DOCK2: variants seen among roughly 807,000 people sequenced by gnomAD.
DOCK2 encodes the protein dedicator of cytokinesis 2.
A neutral mutation model predicts 248.9 loss-of-function variants in DOCK2; 87 were observed. The observed-to-expected ratio is 0.35, with a 90% CI of 0.29 to 0.42. DOCK2 has a LOEUF of 0.42. Ranked by LOEUF, DOCK2 falls within the 10% of genes least tolerant of loss-of-function variation. DOCK2 has a pLI of 1.00. For synonymous variants in DOCK2, 805 were observed against 821.6 expected (o/e 0.98, Z 0.35); for missense variants, 1,747 against 2,300.2 (o/e 0.76, Z 4.92).
At chr5:169,677,654 CAG>C (rs1446779501) in intron 6 of DOCK2, among the ~76,000 whole-genome samples, 5 of 152,238 alleles carry the variant, frequency 3.3e-5, no homozygotes, top group African/African-American at 1.2e-4. Flanking sequence ...CCAGACATGA[CAG>C]AGACTGTCTC....
In DOCK2 at chr5:169,881,920, G is replaced by A. The variant is rs182746611; in HGVS notation, c.2799+41068G>A. On this transcript the variant is annotated intron_variant, in intron 27 of 51. Coordinates refer to ENST00000520908, the MANE Select transcript of DOCK2 (RefSeq NM_004946.3). Reference sequence around the variant, plus strand: ...CACTTTCTGCAGGGACGAGCATTTCGCATCTAAACAAATAACTGCCTTTTC... The same window carrying A: ...CACTTTCTGCAGGGACGAGCATTTCACATCTAAACAAATAACTGCCTTTTC... Among the ~76,000 whole-genome samples the A allele has an allele frequency of 4.3e-3, 653 of 152,260 alleles. 7 individuals carry two copies. The highest frequency in any genetic ancestry group is 0.015 in the African/African-American group (605 of 41,538).
chr5:170,066,820 C>T (rs1757508178), intron 44 of DOCK2, among the ~76,000 whole-genome samples: 1 of 152,172 alleles, frequency 6.6e-6, no homozygotes, highest in South Asian at 2.1e-4. Flanking sequence ...TTTTGCCCTA[C>T]AATAACAGAG....
rs372818120 is a variant in DOCK2, at chr5:169,868,121, A to G, written c.2799+27269A>G. 8.8e-4 allele frequency among the ~76,000 whole-genome samples: 134 copies of G among 152,324 alleles called. 1 individual carries two copies. Among genetic ancestry groups the G allele is most frequent in the African/African-American group, 3.0e-3 (124 of 41,570 alleles). ...TAGGAGTCTAAGATTTTCTTGTACA[A>G]AACATTCCATCCATCATCAGTCCAT... is the stretch of plus-strand genomic sequence containing the variant. On this transcript the variant is annotated intron_variant, in intron 27 of 51. Coordinates refer to ENST00000520908, the MANE Select transcript of DOCK2 (RefSeq NM_004946.3).
intron 33 of DOCK2, among the ~76,000 whole-genome samples, chr5:170,024,576 C>A (rs1755841446): frequency 6.6e-6 from 1 of 152,038 alleles, no homozygotes; most frequent in Admixed American, 6.5e-5. Context: ...TGCCAAGTGC[C>A]TTATACGTGT....
chr5:170,009,047 C>G (rs555098560), intron 32 of DOCK2, among the ~76,000 whole-genome samples: 1 of 152,096 alleles, frequency 6.6e-6, no homozygotes, highest in Admixed American at 6.6e-5. Context: ...TGGGAACTCA[C>G]GTGCTCACAC....
At chr5:169,862,573 GA>G (rs1771273115) in intron 27 of DOCK2, among the ~76,000 whole-genome samples, 1 of 152,154 alleles carries the variant, frequency 6.6e-6, no homozygotes, top group Non-Finnish European at 1.5e-5. Context: ...TCTTAAGTAT[GA>G]CAAGTGTATT....
At chr5:169,952,782 G>A (rs902168196) in intron 27 of DOCK2, among the ~76,000 whole-genome samples, 2 of 152,068 alleles carry the variant, frequency 1.3e-5, no homozygotes, top group Non-Finnish European at 2.9e-5. Context: ...TTCAATCCAG[G>A]GTACAGAGTT....
chr5:169,747,304 T>C, intron 22 of DOCK2, 92 bp from the exon 23 acceptor site: 1 of 1,193,972 alleles, frequency 8.4e-7, no homozygotes, highest in Non-Finnish European at 1.2e-6. Flanking sequence ...CTCCTTTTTG[T>C]TTTAAATTTT....
chr5:169,769,754 C>G (rs939177137), intron 25 of DOCK2, among the ~76,000 whole-genome samples: 16 of 152,168 alleles, frequency 1.1e-4, no homozygotes, highest in Admixed American at 9.2e-4. Flanking sequence ...GCTCCAGGAG[C>G]CTGAGGAGGG....
rs901447679 is a variant in DOCK2, at chr5:169,799,452, TACA to T, written c.2555-3601_2555-3599del. On this transcript the variant is annotated intron_variant, in intron 25 of 51. Transcript: ENST00000520908. The stretch of plus-strand genomic sequence containing the variant: ...TTCAGATGAACTCACCTGGTTTTTC[TACA>T]ACAAGAATTTCAACACCTAATTTCC... Among the ~76,000 whole-genome samples the T allele has an allele frequency of 3.3e-5, 5 of 152,304 alleles. No homozygotes were observed. The East Asian group carries it at 5.8e-4, about 18-fold the overall frequency.
intron 27 of DOCK2, among the ~76,000 whole-genome samples, chr5:169,847,161 T>G (rs947040647): frequency 6.6e-6 from 1 of 152,230 alleles, no homozygotes; most frequent in Non-Finnish European, 1.5e-5. Context: ...AACATACATG[T>G]GCGAGTGTCT....
At chr5:169,909,622 T>A (rs542873519) in intron 27 of DOCK2, among the ~76,000 whole-genome samples, 3 of 152,332 alleles carry the variant, frequency 2.0e-5, no homozygotes, top group Admixed American at 1.3e-4. Context: ...AACATACATA[T>A]CTTCTAAGTT....
At chr5:169,755,209 G>A (rs1483433420) in intron 23 of DOCK2, among the ~76,000 whole-genome samples, 1 of 151,882 alleles carries the variant, frequency 6.6e-6, no homozygotes, top group Non-Finnish European at 1.5e-5. Flanking sequence ...CTCCTGAAGT[G>A]CTGGGATTAT....
rs1359881704 is a variant in DOCK2, at chr5:169,759,700, C to T, written c.2377-5C>T. The T allele has an allele frequency of 1.9e-6, 3 of 1,614,000 alleles. No individual in the cohort carries two copies. Among genetic ancestry groups the T allele is most frequent in the South Asian group, 2.2e-5 (2 of 91,088 alleles). On this transcript the variant is annotated splice_polypyrimidine_tract_variant and splice_region_variant and intron_variant, in intron 23 of 51. Transcript: ENST00000520908. ...TCACTTATATGTATTTTACATTCCA[C>T]CTAGGTGGCGGCTTTGAAATACATC... is the stretch of plus-strand genomic sequence containing the variant.
chr5:169,883,649 G>C (rs1475310156), intron 27 of DOCK2: 1 of 1,551,268 alleles, frequency 6.4e-7, no homozygotes, highest in South Asian at 1.2e-5. Context: ...TGGGACCTGG[G>C]GAAGGAGAGC....
intron 27 of DOCK2, among the ~76,000 whole-genome samples, chr5:169,891,276 CA>C (rs1219145346): frequency 6.6e-6 from 1 of 152,198 alleles, no homozygotes; most frequent in Non-Finnish European, 1.5e-5. Context: ...TCCCTCTGTG[CA>C]GCAAAACCCT....
Position 169,798,382 on chromosome 5 carries a change from G to A in DOCK2, c.2555-4676G>A, listed in dbSNP as rs17737323. Reference sequence around the variant, plus strand: ...GGAGAACTTACTGCCAGACTTTCCCGTGAAAAATCTACTAGCTTAGTTCAA... The same window carrying A: ...GGAGAACTTACTGCCAGACTTTCCCATGAAAAATCTACTAGCTTAGTTCAA... On this transcript the variant is annotated intron_variant, in intron 25 of 51. Transcript: ENST00000520908. Among the ~76,000 whole-genome samples, 464 of 152,236 alleles carry A rather than the reference G, an allele frequency of 3.0e-3. 19 individuals are homozygous for A. In the East Asian group the frequency reaches 0.069, roughly 23 times the overall value.
Position 169,883,394 on chromosome 5 carries a change from C to A in DOCK2, c.2799+42542C>A, listed in dbSNP as rs1772780818. 3 of 1,551,546 alleles carry A rather than the reference C, an allele frequency of 1.9e-6. No individual in the cohort carries two copies. The African/African-American group carries it at 4.1e-5, about 21-fold the overall frequency. ...ACCTTGGGGACCCTTGGGAGGAATG[C>A]ATGGGACACCTTGACCCTTCGAGGC... On this transcript the variant is annotated intron_variant, in intron 27 of 51. Transcript: ENST00000520908.
At chr5:169,708,353 T>C in intron 15 of DOCK2, 86 bp downstream of exon 15, 3 of 1,290,038 alleles carry the variant, frequency 2.3e-6, no homozygotes, top group Non-Finnish European at 3.3e-6. Flanking sequence ...AAATAATTTA[T>C]GTATTGCTTA....
Sources: gnomAD v4.1 joint callset for allele counts (sites outside exome capture counted in the v4.1 genomes callset) on GRCh38, gnomAD v4.1.1 for gene constraint, MANE v1.5 for transcripts, NCBI Gene and HGNC (gene_info 2026-07-23, HGNC 2026-07-21) for gene names.